The following FAM193A variants were observed in gnomAD, a reference collection of about 807,000 sequenced individuals.
FAM193A encodes family with sequence similarity 193 member A.
Under a neutral mutation model 126.5 loss-of-function variants are expected in FAM193A, and 22 were observed. The observed-to-expected ratio is 0.17, with a 90% CI of 0.12 to 0.25. The LOEUF is 0.25. Among genes scored for constraint, FAM193A ranks in the 10% least tolerant of loss-of-function variants. The pLI, the probability that FAM193A is intolerant of heterozygous loss-of-function variation, is 1.00. For synonymous variants in FAM193A, 761 were observed against 646.8 expected (o/e 1.18, Z -2.68); for missense variants, 1,675 against 1,672.8 (o/e 1.00, Z -0.02).
chr4:2,699,550 G>A (rs1361005191), intron 18 of FAM193A, 130 bp from the exon 19 acceptor site: 14 of 819,762 alleles, frequency 1.7e-5, no homozygotes, highest in Non-Finnish European at 1.3e-5. Context: ...GTTAAGTTTT[G>A]ATTTATTACA....
At chr4:2,678,957 G>A (rs992814716) in intron 13 of FAM193A, among the ~76,000 whole-genome samples, 1 of 152,090 alleles carries the variant, frequency 6.6e-6, no homozygotes, top group Non-Finnish European at 1.5e-5. Context: ...TTCTAATACT[G>A]TGTTGAAGAG....
chr4:2,732,385 G>A lies in FAM193A; in HGVS notation c.*517G>A, dbSNP rs1721501263. On this transcript the variant is annotated 3_prime_UTR_variant, in exon 21 of 21. Transcript: ENST00000637812. The stretch of plus-strand genomic sequence containing the variant: ...GATCCCCCTGACTTGTAGCCAGCTT[G>A]TGTAAGATCCCTTGCAGAACGAGAA... 1 of 168,042 alleles carries A rather than the reference G, an allele frequency of 6.0e-6. No individual in the cohort carries two copies. The allele number at this position is 168,042 out of a possible 1,614,324, so 10.4% of individuals were successfully genotyped here.
intron 19 of FAM193A, among the ~76,000 whole-genome samples, chr4:2,706,137 G>A (rs1210686915): frequency 2.0e-5 from 3 of 152,170 alleles, no homozygotes; most frequent in African/African-American, 7.2e-5. Context: ...GAGCCCAGGT[G>A]TTTGAGATTA....
chr4:2,651,080 C>T (rs1378313488), intron 7 of FAM193A, among the ~76,000 whole-genome samples: 1 of 152,224 alleles, frequency 6.6e-6, no homozygotes, highest in African/African-American at 2.4e-5. Context: ...CCTGTAATCC[C>T]AGCACTTAGG....
chr4:2,731,405 C>G lies in FAM193A; in HGVS notation c.4455-370C>G, dbSNP rs540744990. Among the ~76,000 whole-genome samples the G allele has an allele frequency of 7.9e-5, 12 of 151,904 alleles. 1 individual carries two copies. In the South Asian group the frequency reaches 2.5e-3, roughly 32 times the overall value. On this transcript the variant is annotated intron_variant, in intron 20 of 20. Coordinates refer to ENST00000637812, the MANE Select transcript of FAM193A (RefSeq NM_001366318.2). Reference sequence around the variant, plus strand: ...TTCACCATGTTGCCCAGGCTGGTCTCGAACTCCTAAGTTGAAGTGATTTGC... The same window carrying G: ...TTCACCATGTTGCCCAGGCTGGTCTGGAACTCCTAAGTTGAAGTGATTTGC...
At chr4:2,678,595 T>G (rs1235770636) in intron 13 of FAM193A, among the ~76,000 whole-genome samples, 1 of 151,744 alleles carries the variant, frequency 6.6e-6, no homozygotes, top group East Asian at 1.9e-4. Context: ...ACTCCTGACC[T>G]CAAGTGATCC....
chr4:2,569,584 A>G (rs1036383576), intron 1 of FAM193A, among the ~76,000 whole-genome samples: 2 of 151,962 alleles, frequency 1.3e-5, no homozygotes, highest in African/African-American at 4.8e-5. Flanking sequence ...TGCAGCCTCA[A>G]TCTCCCAGGC....
At chr4:2,707,685 C>G (rs1718458023) in intron 19 of FAM193A, among the ~76,000 whole-genome samples, 1 of 150,600 alleles carries the variant, frequency 6.6e-6, no homozygotes, top group Non-Finnish European at 1.5e-5. Flanking sequence ...GTGTGTGGCT[C>G]AGACTCAGAT....
intron 13 of FAM193A, among the ~76,000 whole-genome samples, chr4:2,682,648 T>C (rs947041372): frequency 1.3e-5 from 2 of 152,240 alleles, no homozygotes; most frequent in African/African-American, 2.4e-5. Flanking sequence ...TCTCCTCTGT[T>C]AGTATATCAA....
chr4:2,563,971 G>A (rs1045947947), intron 1 of FAM193A, among the ~76,000 whole-genome samples: 1 of 152,044 alleles, frequency 6.6e-6, no homozygotes, highest in Non-Finnish European at 1.5e-5. Context: ...TCCTTTTTGA[G>A]TTTTCTTACT....
At chr4:2,564,671 T>C (rs920369619) in intron 1 of FAM193A, among the ~76,000 whole-genome samples, 12 of 152,122 alleles carry the variant, frequency 7.9e-5, no homozygotes, top group African/African-American at 2.7e-4. Context: ...AAAAGAAATA[T>C]ATTATTTTGT....
chr4:2,662,885 A>T lies in FAM193A; in HGVS notation c.1793A>T (p.Asp598Val). The T allele has an allele frequency of 6.2e-7, 1 of 1,612,414 alleles. No homozygotes were observed. Among genetic ancestry groups the T allele is most frequent in the Non-Finnish European group, 8.5e-7 (1 of 1,178,622 alleles). ...GCACCATTGTCAGCCAAATTTGCTG[A>T]TATTTATCCATTGAGTAATTATGAT... ...DVAPLSAKFADIYPLSNYDDT... is the reference protein window; with the variant it reads ...DVAPLSAKFAVIYPLSNYDDT... Residue 598 changes from aspartate to valine, a missense_variant, in exon 11 of 21, where the codon GAT (aspartate) becomes GTT (valine). Physicochemically the swap from Asp to Val is radical, Grantham distance 152 (BLOSUM62 -3). Transcript: ENST00000637812.
At chr4:2,712,908 G>A (rs1033419089) in intron 19 of FAM193A, among the ~76,000 whole-genome samples, 6 of 151,566 alleles carry the variant, frequency 4.0e-5, no homozygotes, top group African/African-American at 1.5e-4. Flanking sequence ...TTCAAGACCA[G>A]CCTGGCCAAG....
chr4:2,536,551 C>T (rs1214900523), upstream of FAM193A: 1 of 20,318 alleles, frequency 4.9e-5, no homozygotes, highest in Non-Finnish European at 8.7e-5. Context: ...AAAGCAGAGC[C>T]GGGGGGCGGA....
intron 19 of FAM193A, among the ~76,000 whole-genome samples, chr4:2,700,909 G>A (rs552810023): frequency 6.6e-6 from 1 of 152,306 alleles, no homozygotes; most frequent in African/African-American, 2.4e-5. Flanking sequence ...AGATTGCAGT[G>A]AGCCAAGATC....
intron 1 of FAM193A, among the ~76,000 whole-genome samples, chr4:2,550,281 A>G (rs1203750550): frequency 6.6e-6 from 1 of 151,616 alleles, no homozygotes; most frequent in Non-Finnish European, 1.5e-5. Context: ...CCTGGCCTCT[A>G]GTCATCTACC....
chr4:2,573,312 A>G (rs1739397335), intron 1 of FAM193A, among the ~76,000 whole-genome samples: 2 of 152,070 alleles, frequency 1.3e-5, no homozygotes, highest in African/African-American at 4.8e-5. Flanking sequence ...CAGGAGTTCG[A>G]GACCAGCCTG....
intron 2 of FAM193A, chr4:2,608,261 C>T (rs983141872): frequency 2.8e-6 from 2 of 726,792 alleles, no homozygotes; most frequent in Admixed American, 3.0e-5. Flanking sequence ...TCTCTGCAGC[C>T]TTCACCTCCT....
intron 1 of FAM193A, among the ~76,000 whole-genome samples, chr4:2,592,471 T>C (rs1260933053): frequency 2.0e-5 from 3 of 152,210 alleles, no homozygotes; most frequent in South Asian, 2.1e-4. Context: ...GGATTTATCT[T>C]CCTGTCTCAA....
Sources: gnomAD v4.1 joint callset for allele counts (sites outside exome capture counted in the v4.1 genomes callset) on GRCh38, gnomAD v4.1.1 for gene constraint, MANE v1.5 for transcripts, NCBI Gene and HGNC (gene_info 2026-07-23, HGNC 2026-07-21) for gene names.